Variants in ZNF773 observed in about 807,000 individuals in gnomAD.
ZNF773 encodes zinc finger protein 773.
Under a neutral mutation model 12.8 loss-of-function variants are expected in ZNF773, and 11 were observed. The ratio of observed to expected loss-of-function variants is 0.86; its 90% CI spans 0.54 to 1.42. The LOEUF (loss-of-function observed/expected upper bound fraction) is 1.42, where lower values mean the gene tolerates loss of function less well. Ranked by LOEUF, ZNF773 falls within the 40% of genes most tolerant of loss-of-function variation. The pLI, the probability that ZNF773 is intolerant of heterozygous loss-of-function variation, is 0.00. For synonymous variants in ZNF773, 175 were observed against 178.4 expected, an observed-to-expected ratio of 0.98 and a Z score of 0.15; for missense variants, 518 against 527.2, an observed-to-expected ratio of 0.98 and a Z score of 0.17.
chr19:57,511,227 T>A (rs184864786), downstream of ZNF773, among the ~76,000 whole-genome samples: 134 of 151,948 alleles, frequency 8.8e-4, no homozygotes, highest in Non-Finnish European at 1.4e-3. Flanking sequence ...CTTTTTTGTA[T>A]TTTTTAGTAG....
Position 57,506,652 on chromosome 19 carries a change from C to T in ZNF773, c.557C>T (p.Ala186Val), listed in dbSNP as rs1254079781. The change falls in exon 4 of 4, where the codon GCT becomes GTT. Residue 186 changes from alanine (A) to valine (V), a missense_variant. Ala to Val is a moderately conservative substitution (Grantham distance 64). Coordinates refer to ENST00000282292, the MANE Select transcript of ZNF773 (RefSeq NM_198542.3). Reference sequence around the variant, plus strand: ...TCCAAAAGTAGGGAGGCCTTTCATGCTGGAAAAAGGCATTACAAATGCAGT... The same window carrying T: ...TCCAAAAGTAGGGAGGCCTTTCATGTTGGAAAAAGGCATTACAAATGCAGT... ...RSSKSREAFH[A>V]GKRHYKCSEC... 8 of 1,614,052 alleles carry T rather than the reference C, an allele frequency of 5.0e-6. No individual in the cohort carries two copies. Among genetic ancestry groups the T allele is most frequent in the Admixed American group, 3.3e-5 (2 of 59,998 alleles).
intron 2 of ZNF773, 187 bp downstream of exon 2, chr19:57,504,973 C>T: frequency 4.7e-6 from 5 of 1,072,282 alleles, no homozygotes; most frequent in Non-Finnish European, 6.9e-6. Flanking sequence ...AGCTGCCCCA[C>T]AGCTGTGCAG....
rs1295888873 is a variant in ZNF773, at chr19:57,506,969, C to G, written c.874C>G (p.Gln292Glu). 6.2e-7 allele frequency: 1 copy of G among 1,613,810 alleles called. No homozygotes were observed. ...TTTCAGGCATAATTCCACACTTGTT[C>G]AGCATCACAGAATCCACACTGGAGT... The part of the protein sequence containing the change: ...KAFRHNSTLV[Q>E]HHRIHTGVRP... The change falls in exon 4 of 4, where the codon CAG (glutamine) becomes GAG (glutamate). Residue 292 changes from glutamine to glutamate, a missense_variant. Coordinates refer to ENST00000282292, the MANE Select transcript of ZNF773 (RefSeq NM_198542.3).
chr19:57,513,008 C>A (rs1568584196), downstream of ZNF773: 2 of 1,548,370 alleles, frequency 1.3e-6, no homozygotes, highest in Non-Finnish European at 8.7e-7. Context: ...CTGCATTTGT[C>A]CTTCTTCATT....
At chr19:57,515,755 T>C (rs1373210629), downstream of ZNF773, 1 of 152,122 alleles carries the variant, frequency 6.6e-6, no homozygotes, top group African/African-American at 2.4e-5. Flanking sequence ...CTTACAATCC[T>C]CAAGGACAAG....
At chr19:57,505,543 A>G in intron 3 of ZNF773, 143 bp downstream of exon 3, 1 of 966,796 alleles carries the variant, frequency 1.0e-6, no homozygotes. Flanking sequence ...TCAGTCACCC[A>G]TTTATATCTA....
At chr19:57,502,069 A>G (rs1489695306) in intron 1 of ZNF773, among the ~76,000 whole-genome samples, 1 of 152,064 alleles carries the variant, frequency 6.6e-6, no homozygotes. Flanking sequence ...GAGCTTCCCA[A>G]GTAGCTGGGA....
downstream of ZNF773, chr19:57,513,261 C>A: frequency 2.1e-6 from 1 of 468,084 alleles, no homozygotes; most frequent in Non-Finnish European, 3.4e-6. Flanking sequence ...TAAAGGTTTA[C>A]TTAAACAATC....
chr19:57,499,991 G>C lies in ZNF773; in HGVS notation c.-90G>C. 2.0e-6 allele frequency: 3 copies of C among 1,483,126 alleles called. No individual in the cohort carries two copies. The highest frequency in any genetic ancestry group is 2.7e-6 in the Non-Finnish European group (3 of 1,107,616). 91.9% of individuals were successfully genotyped at this position (1,483,126 alleles called of 1,614,324 possible). A position where few individuals can be genotyped will look rare whatever the true frequency, so the allele number is the denominator to read the frequency against. Reference sequence around the variant, plus strand: ...CGCGGTGGGGACGCGCTGTGTTCTCGCAGCTCAGAGGCGGGTCTGAGGCTC... The same window carrying C: ...CGCGGTGGGGACGCGCTGTGTTCTCCCAGCTCAGAGGCGGGTCTGAGGCTC... On this transcript the variant is annotated 5_prime_UTR_variant, in exon 1 of 4. Transcript: ENST00000282292.
In ZNF773 at chr19:57,499,962, A is replaced by C. The variant is rs780406880; in HGVS notation, c.-119A>C. The stretch of plus-strand genomic sequence containing the variant: ...TGTTCGCTGCGGCGACCAGCTCCGG[A>C]AAGCGCGGTGGGGACGCGCTGTGTT... On this transcript the variant is annotated 5_prime_UTR_variant, in exon 1 of 4. Coordinates refer to ENST00000282292, the MANE Select transcript of ZNF773 (RefSeq NM_198542.3). 2 of 1,364,946 alleles carry C rather than the reference A, an allele frequency of 1.5e-6. No individual in the cohort carries two copies. Among genetic ancestry groups the C allele is most frequent in the Admixed American group, 2.6e-5 (1 of 39,168 alleles). 84.6% of individuals were successfully genotyped at this position (1,364,946 alleles called of 1,614,324 possible).
At chr19:57,509,107 C>CA (rs2089776934), downstream of ZNF773, among the ~76,000 whole-genome samples, 1 of 152,170 alleles carries the variant, frequency 6.6e-6, no homozygotes, top group South Asian at 2.1e-4. Flanking sequence ...GCCTTGTTTT[C>CA]AGTTCTTAAC....
downstream of ZNF773, chr19:57,508,293 G>C: frequency 4.1e-6 from 5 of 1,207,650 alleles, no homozygotes; most frequent in East Asian, 2.9e-5. Flanking sequence ...ATAGCCCTCT[G>C]TCTTGGAGCT....
intron 1 of ZNF773, among the ~76,000 whole-genome samples, chr19:57,503,657 CT>C (rs150122476): frequency 0.25 from 32,501 of 132,148 alleles, 3,821 homozygotes; most frequent in African/African-American, 0.34. Flanking sequence ...GAGACGTGGG[CT>C]TTTTTTTTTT....
downstream of ZNF773, chr19:57,515,712 A>G (rs1016325514): frequency 2.0e-5 from 3 of 152,220 alleles, no homozygotes; most frequent in Non-Finnish European, 4.4e-5. Context: ...AATTTTTTAC[A>G]GTTATGGGCA....
At chr19:57,501,224 T>C (rs2089666200) in intron 1 of ZNF773, among the ~76,000 whole-genome samples, 1 of 151,550 alleles carries the variant, frequency 6.6e-6, no homozygotes, top group African/African-American at 2.4e-5. Flanking sequence ...TTCAGGGGAG[T>C]ATATAGCAGG....
downstream of ZNF773, chr19:57,518,080 G>A (rs2089841915): frequency 6.5e-6 from 1 of 153,442 alleles, no homozygotes; most frequent in Non-Finnish European, 1.5e-5. Context: ...GGAGGTTGGA[G>A]GCCGAAAGAA....
Position 57,506,846 on chromosome 19 carries a change from G to A in ZNF773, c.751G>A (p.Asp251Asn), listed in dbSNP as rs1421476466. 9 of 1,614,054 alleles carry A rather than the reference G, an allele frequency of 5.6e-6. No homozygotes were observed. The highest frequency in any genetic ancestry group is 1.3e-5 in the African/African-American group (1 of 74,916). Residue 251 changes from aspartate (D) to asparagine (N), a missense_variant, in exon 4 of 4, where the codon GAC becomes AAC. Coordinates refer to ENST00000282292, the MANE Select transcript of ZNF773 (RefSeq NM_198542.3). ...TGGAGAAAGGCCTTATGGGTGTAGTGACTGTGGAAAATCCTTTAGCCGTAA... is the reference window on the plus strand; with the variant it reads ...TGGAGAAAGGCCTTATGGGTGTAGTAACTGTGGAAAATCCTTTAGCCGTAA... ...HTGERPYGCS[D>N]CGKSFSRNAD...
chr19:57,512,959 C>G (rs538656591), downstream of ZNF773: 2 of 1,480,264 alleles, frequency 1.4e-6, no homozygotes, highest in Non-Finnish European at 1.8e-6. Flanking sequence ...AAGGAGCCCT[C>G]TGACCCCTTC....
intron 1 of ZNF773, 126 bp from the exon 2 acceptor site, chr19:57,504,531 T>G (rs1302978135): frequency 2.1e-6 from 3 of 1,417,674 alleles, no homozygotes; most frequent in Non-Finnish European, 2.9e-6. Context: ...CATCAGTGGT[T>G]CTGGGGCAGG....
Sources: gnomAD v4.1 joint callset for allele counts (sites outside exome capture counted in the v4.1 genomes callset) on GRCh38, gnomAD v4.1.1 for gene constraint, MANE v1.5 for transcripts, NCBI Gene and HGNC (gene_info 2026-07-23, HGNC 2026-07-21) for gene names.